The following AP3S2 variants were observed in gnomAD, a reference collection of about 807,000 sequenced individuals.
AP3S2 encodes adaptor related protein complex 3 subunit sigma 2.
A neutral mutation model predicts 23.4 loss-of-function variants in AP3S2; 22 were observed. The observed-to-expected ratio is 0.94, with a 90% CI of 0.67 to 1.34. The LOEUF is 1.34. Among genes scored for constraint, AP3S2 ranks in the 40% most tolerant of loss-of-function variants. The pLI is 0.00. For synonymous variants in AP3S2, 86 were observed against 87.1 expected (o/e 0.99, Z 0.07); for missense variants, 241 against 236.9 (o/e 1.02, Z -0.11).
intron 5 of AP3S2, 91 bp downstream of exon 5, chr15:89,837,524 C>T (rs1419939150): frequency 1.1e-5 from 16 of 1,456,844 alleles, no homozygotes; most frequent in Non-Finnish European, 1.4e-5. Context: ...CCCGAGGTTT[C>T]ACAGCAACAC....
At chr15:89,882,097 C>T (rs989219620) in intron 3 of AP3S2, among the ~76,000 whole-genome samples, 1 of 152,094 alleles carries the variant, frequency 6.6e-6, no homozygotes, top group Non-Finnish European at 1.5e-5. Flanking sequence ...GCTGGGGTTA[C>T]AGGTGTGAGC....
At chr15:89,884,302 G>T (rs985019772) in intron 3 of AP3S2, among the ~76,000 whole-genome samples, 7 of 151,398 alleles carry the variant, frequency 4.6e-5, no homozygotes, top group Admixed American at 4.6e-4. Flanking sequence ...TGCATTCTTG[G>T]GATAAATACT....
chr15:89,852,000 C>T (rs1246371697), intron 4 of AP3S2, among the ~76,000 whole-genome samples: 1 of 152,178 alleles, frequency 6.6e-6, no homozygotes, highest in African/African-American at 2.4e-5. Flanking sequence ...GACACAAACA[C>T]ATTTCCCCAC....
Position 89,868,946 on chromosome 15 carries a change from T to TG in AP3S2, c.345+2528dup, listed in dbSNP as rs1211703284. 3.5e-3 allele frequency among the ~76,000 whole-genome samples: 426 copies of TG among 121,456 alleles called. 2 individuals are homozygous for TG. The highest frequency in any genetic ancestry group is 0.014 in the African/African-American group (387 of 28,466). 79.7% of individuals were successfully genotyped at this position (121,456 alleles called of 152,430 possible). A position where few individuals can be genotyped will look rare whatever the true frequency, so the allele number is the denominator to read the frequency against. On this transcript the variant is annotated intron_variant, in intron 4 of 5. Transcript: ENST00000336418. Reference sequence around the variant, plus strand: ...CCAGCCGCCCCGTCCGGGAGGGAGGTGGGGGGGTCAGCCCCCTGCCCGGCC... The same window carrying TG: ...CCAGCCGCCCCGTCCGGGAGGGAGGTGGGGGGGGTCAGCCCCCTGCCCGGCC...
intron 3 of AP3S2, among the ~76,000 whole-genome samples, chr15:89,883,215 T>C (rs1237618041): frequency 6.6e-6 from 1 of 152,214 alleles, no homozygotes; most frequent in Non-Finnish European, 1.5e-5. Context: ...TCTCATATTC[T>C]GTCATTTTGC....
intron 5 of AP3S2, 57 bp from the exon 6 acceptor site, chr15:89,835,700 CTA>C (rs1895173557): frequency 2.8e-5 from 22 of 783,918 alleles, no homozygotes; most frequent in East Asian, 7.7e-5. Context: ...CTGCTTAATG[CTA>C]AAAAAAAAAA....
At chr15:89,880,771 AG>A (rs758133565) in intron 3 of AP3S2, among the ~76,000 whole-genome samples, 1 of 152,226 alleles carries the variant, frequency 6.6e-6, no homozygotes, top group Non-Finnish European at 1.5e-5. Context: ...GAAGAAATGA[AG>A]GGTAAAAACT....
chr15:89,869,567 TAAAAA>T (rs527600193), intron 4 of AP3S2, among the ~76,000 whole-genome samples: 3 of 123,438 alleles, frequency 2.4e-5, no homozygotes, highest in African/African-American at 9.1e-5. Context: ...GAATTATCAA[TAAAAA>T]AAAAAAAAAA....
chr15:89,879,036 G>A (rs948518396), intron 3 of AP3S2, among the ~76,000 whole-genome samples: 2 of 152,182 alleles, frequency 1.3e-5, no homozygotes, highest in African/African-American at 4.8e-5. Flanking sequence ...GTGGGCCGCC[G>A]CACCCAGCCA....
intron 3 of AP3S2, among the ~76,000 whole-genome samples, chr15:89,881,604 G>T (rs1896571260): frequency 1.4e-5 from 2 of 144,968 alleles, no homozygotes; most frequent in South Asian, 4.6e-4. Flanking sequence ...CCAGGATCTA[G>T]ATTTCACTGG....
In AP3S2 at chr15:89,848,861, G is replaced by A. The variant is rs983697265; in HGVS notation, c.346-11139C>T. The A allele has an allele frequency of 4.6e-5, 7 of 152,302 alleles. No homozygotes were observed. The East Asian group carries it at 1.2e-3, about 25-fold the overall frequency. The allele number at this position is 152,302 out of a possible 1,614,324, so 9.4% of individuals were successfully genotyped here. ...CATCTTGGCCCAGAGTCAGACTCTA[G>A]TTCCCATATTATACATTTTAGAAAG... On this transcript the variant is annotated intron_variant, in intron 4 of 5. Coordinates refer to ENST00000336418, the MANE Select transcript of AP3S2 (RefSeq NM_005829.5).
chr15:89,873,019 A>G (rs1019824164), intron 3 of AP3S2, among the ~76,000 whole-genome samples: 1 of 152,220 alleles, frequency 6.6e-6, no homozygotes, highest in Non-Finnish European at 1.5e-5. Flanking sequence ...CAAAAACCAC[A>G]TACAATAATT....
rs1173035651 is a variant in AP3S2 at position 89,888,476 on chromosome 15, G to A, written c.273+45C>T. ...CAGGCTGGTTACTCAAAAATCCCGT[G>A]GAAACTCTCTAAAGCTGCTGCCATC... On this transcript the variant is annotated intron_variant, in intron 3 of 5. Coordinates refer to ENST00000336418, the MANE Select transcript of AP3S2 (RefSeq NM_005829.5). The A allele has an allele frequency of 1.9e-6, 3 of 1,594,046 alleles. No homozygotes were observed. The Admixed American group carries it at 5.1e-5, about 27-fold the overall frequency.
chr15:89,872,370 T>TA (rs1331914316), intron 3 of AP3S2, among the ~76,000 whole-genome samples: 1 of 152,182 alleles, frequency 6.6e-6, no homozygotes, highest in Non-Finnish European at 1.5e-5. Context: ...GTTTACAACT[T>TA]AAAATTTTTT....
At chr15:89,864,004 C>A (rs1896063242) in intron 4 of AP3S2, among the ~76,000 whole-genome samples, 2 of 152,160 alleles carry the variant, frequency 1.3e-5, no homozygotes. Context: ...CATTCTAAAG[C>A]TGAATAGGGT....
chr15:89,891,682 T>C (rs1596226347), intron 1 of AP3S2, among the ~76,000 whole-genome samples: 1 of 150,096 alleles, frequency 6.7e-6, no homozygotes. Flanking sequence ...CACAGTGAGA[T>C]ACCACTTTAC....
At chr15:89,891,081 G>C (rs958913627) in intron 1 of AP3S2, among the ~76,000 whole-genome samples, 2 of 152,176 alleles carry the variant, frequency 1.3e-5, no homozygotes, top group Admixed American at 1.3e-4. Context: ...TTGAACTAAA[G>C]CCTTTTATCT....
intron 4 of AP3S2, among the ~76,000 whole-genome samples, chr15:89,847,051 T>C (rs1895511025): frequency 6.6e-6 from 1 of 152,124 alleles, no homozygotes; most frequent in Non-Finnish European, 1.5e-5. Flanking sequence ...ACCTACTTAC[T>C]GTCTGCAACA....
chr15:89,861,949 T>C (rs1271454963), intron 4 of AP3S2, among the ~76,000 whole-genome samples: 2 of 152,094 alleles, frequency 1.3e-5, no homozygotes, highest in Non-Finnish European at 2.9e-5. Context: ...GAAAAGACAA[T>C]TCAGGCAGAG....
Sources: allele counts gnomAD v4.1 joint callset (sites outside exome capture counted in the v4.1 genomes callset), GRCh38; gene constraint gnomAD v4.1.1; transcripts MANE v1.5; gene names NCBI Gene and HGNC (gene_info 2026-07-23, HGNC 2026-07-21).